The following RASAL2 variants were observed in gnomAD, a reference collection of about 807,000 sequenced individuals.
RASAL2 encodes the protein RAS protein activator like 2.
In RASAL2, 58 loss-of-function variants were observed where a neutral mutation model predicts 128.9. The observed-to-expected ratio is 0.45, with a 90% CI of 0.36 to 0.56. The LOEUF (loss-of-function observed/expected upper bound fraction) is 0.56. Ranked by LOEUF, RASAL2 falls within the 20% of genes least tolerant of loss-of-function variation. The pLI is 0.00. For synonymous variants in RASAL2, 561 were observed against 580.8 expected, an observed-to-expected ratio of 0.97 and a Z score of 0.49; for missense variants, 1,360 against 1,601.6, an observed-to-expected ratio of 0.85 and a Z score of 2.57.
At chr1:178,274,871 A>T (rs987748847) in intron 1 of RASAL2, among the ~76,000 whole-genome samples, 1 of 152,208 alleles carries the variant, frequency 6.6e-6, no homozygotes, top group Non-Finnish European at 1.5e-5. Flanking sequence ...GATTACAGGC[A>T]TGAGCCACCG....
At chr1:178,472,396 T>G (rs1221989608) in intron 17 of RASAL2, among the ~76,000 whole-genome samples, 1 of 152,108 alleles carries the variant, frequency 6.6e-6, no homozygotes, top group Non-Finnish European at 1.5e-5. Flanking sequence ...CTGGAATGGG[T>G]CTAGGAGCCT....
chr1:178,352,195 A>G (rs1670550570), intron 3 of RASAL2, among the ~76,000 whole-genome samples: 1 of 152,248 alleles, frequency 6.6e-6, no homozygotes, highest in Admixed American at 6.5e-5. Context: ...AAATACCACT[A>G]CTAAAAACAG....
chr1:178,267,304 C>A (rs990998422), intron 1 of RASAL2, among the ~76,000 whole-genome samples: 21 of 152,102 alleles, frequency 1.4e-4, no homozygotes, highest in Admixed American at 1.3e-3. Context: ...CCATTTTAGA[C>A]CTTTTTACTG....
At chr1:178,271,289 A>G (rs1005553230) in intron 1 of RASAL2, among the ~76,000 whole-genome samples, 4 of 152,124 alleles carry the variant, frequency 2.6e-5, no homozygotes, top group African/African-American at 9.7e-5. Context: ...CCACTTGAAC[A>G]TGTTTCTTCT....
intron 2 of RASAL2, among the ~76,000 whole-genome samples, chr1:178,292,558 A>G (rs1241358157): frequency 6.6e-6 from 1 of 152,196 alleles, no homozygotes. Context: ...TGCCAAATAG[A>G]TATTGCTTAT....
At chr1:178,456,530 C>T (rs1677784822) in intron 12 of RASAL2, 191 bp from the exon 13 acceptor site, 1 of 683,972 alleles carries the variant, frequency 1.5e-6, no homozygotes, top group Non-Finnish European at 2.6e-6. Flanking sequence ...TTCGCCTCCT[C>T]CATTCATCTC....
At chr1:178,315,020 G>A (rs1275258874) in intron 3 of RASAL2, among the ~76,000 whole-genome samples, 2 of 146,786 alleles carry the variant, frequency 1.4e-5, no homozygotes, top group East Asian at 2.0e-4. Flanking sequence ...GTTCCCACCT[G>A]TGAGTGAGAA....
chr1:178,469,452 A>C (rs1648062401), intron 17 of RASAL2, among the ~76,000 whole-genome samples: 1 of 152,210 alleles, frequency 6.6e-6, no homozygotes, highest in Admixed American at 6.5e-5. Context: ...GGTATAAAGC[A>C]GAAGTCACCT....
At chr1:178,459,938 G>A (rs1343598593) in intron 14 of RASAL2, among the ~76,000 whole-genome samples, 1 of 152,118 alleles carries the variant, frequency 6.6e-6, no homozygotes, top group Admixed American at 6.5e-5. Context: ...ATATATAAAT[G>A]TGTATGTGTA....
intron 1 of RASAL2, among the ~76,000 whole-genome samples, chr1:178,269,406 A>G (rs1306121813): frequency 1.3e-5 from 2 of 152,260 alleles, no homozygotes; most frequent in Non-Finnish European, 2.9e-5. Flanking sequence ...CGTGTGAACC[A>G]GAGCAATTCT....
chr1:178,389,811 T>A (rs902170604), intron 3 of RASAL2, among the ~76,000 whole-genome samples: 1 of 152,230 alleles, frequency 6.6e-6, no homozygotes, highest in African/African-American at 2.4e-5. Flanking sequence ...GAGATGCAAC[T>A]ATTAAGTGAA....
intron 2 of RASAL2, among the ~76,000 whole-genome samples, chr1:178,290,727 G>C (rs1277422524): frequency 3.9e-5 from 6 of 152,092 alleles, no homozygotes; most frequent in Non-Finnish European, 7.4e-5. Flanking sequence ...CCAGGCTGAA[G>C]TGCGGTGGTG....
intron 5 of RASAL2, among the ~76,000 whole-genome samples, chr1:178,426,042 G>A (rs1211026212): frequency 6.6e-6 from 1 of 152,124 alleles, no homozygotes; most frequent in African/African-American, 2.4e-5. Flanking sequence ...TCACATAGCA[G>A]TTTGAGAAAT....
At chr1:178,410,309 G>A (rs1016437135) in intron 4 of RASAL2, among the ~76,000 whole-genome samples, 1 of 151,332 alleles carries the variant, frequency 6.6e-6, no homozygotes, top group Non-Finnish European at 1.5e-5. Flanking sequence ...ATATAAGAGT[G>A]GGTGGCTGAA....
intron 3 of RASAL2, among the ~76,000 whole-genome samples, chr1:178,347,403 T>C (rs989128503): frequency 2.6e-5 from 4 of 152,228 alleles, no homozygotes; most frequent in African/African-American, 9.6e-5. Context: ...GTTGCTTATG[T>C]TACATTTTCT....
At chr1:178,303,141 A>G (rs1667842496) in intron 3 of RASAL2, among the ~76,000 whole-genome samples, 1 of 152,210 alleles carries the variant, frequency 6.6e-6, no homozygotes, top group African/African-American at 2.4e-5. Flanking sequence ...CCCTCACGGC[A>G]GTGAGAGAAA....
chr1:178,099,214 T>C (rs1476845136), intron 1 of RASAL2, among the ~76,000 whole-genome samples: 1 of 152,256 alleles, frequency 6.6e-6, no homozygotes, highest in African/African-American at 2.4e-5. Flanking sequence ...GTACTGTTAA[T>C]TGAATCTTTA....
At chr1:178,256,649 A>G (rs1013157218) in intron 1 of RASAL2, among the ~76,000 whole-genome samples, 1 of 152,212 alleles carries the variant, frequency 6.6e-6, no homozygotes, top group Non-Finnish European at 1.5e-5. Context: ...ATTATGGGAT[A>G]CAAAATCAAT....
At chr1:178,237,732 A>G (rs554004403) in intron 1 of RASAL2, among the ~76,000 whole-genome samples, 5 of 152,208 alleles carry the variant, frequency 3.3e-5, no homozygotes, top group Non-Finnish European at 7.3e-5. Flanking sequence ...TGCACATACC[A>G]AAAAATTTAC....
Sources: allele counts gnomAD v4.1 joint callset (sites outside exome capture counted in the v4.1 genomes callset), GRCh38; gene constraint gnomAD v4.1.1; transcripts MANE v1.5; gene names NCBI Gene and HGNC (gene_info 2026-07-23, HGNC 2026-07-21).